SLC24A2: variants seen among roughly 807,000 people sequenced by gnomAD.
SLC24A2 encodes the protein solute carrier family 24 member 2, also known as sodium/potassium/calcium exchanger 2.
A neutral mutation model predicts 62.0 loss-of-function variants in SLC24A2; 36 were observed. That is an observed-to-expected ratio of 0.58 (90% CI 0.44 to 0.77). The LOEUF is 0.77. SLC24A2 is among the 30% of genes least tolerant of loss of function. The probability of loss-of-function intolerance (pLI) is 0.00; values close to 1 mark genes in which losing one functional copy is unlikely to be tolerated. For synonymous variants in SLC24A2, 358 were observed against 294.0 expected (o/e 1.22, Z -2.23); for missense variants, 846 against 817.9 (o/e 1.03, Z -0.42).
chr9:19,852,451 G>A, the SLC24A2 span, among the ~76,000 whole-genome samples: 39 of 151,908 alleles, frequency 2.6e-4, no homozygotes, highest in South Asian at 3.5e-3. Flanking sequence ...TTATACTTTC[G>A]GGTTTTATAT....
the SLC24A2 span, among the ~76,000 whole-genome samples, chr9:20,019,553 A>G: frequency 6.6e-6 from 1 of 152,116 alleles, no homozygotes; most frequent in Admixed American, 6.6e-5. Context: ...CTGTTTTGGT[A>G]CCATACAAAA....
chr9:19,820,743 G>A, the SLC24A2 span, among the ~76,000 whole-genome samples: 1 of 151,680 alleles, frequency 6.6e-6, no homozygotes, highest in Non-Finnish European at 1.5e-5. Flanking sequence ...GGTGTGTACA[G>A]GGGATTACAT....
At chr9:19,521,193 T>A in intron 9 of SLC24A2, 133 bp from the exon 10 acceptor site, 1 of 804,054 alleles carries the variant, frequency 1.2e-6, no homozygotes, top group Non-Finnish European at 2.1e-6. Context: ...ATGATAAAGA[T>A]GAATAAGCCA....
chr9:19,840,410 C>A, the SLC24A2 span, among the ~76,000 whole-genome samples: 4 of 152,190 alleles, frequency 2.6e-5, no homozygotes, highest in Admixed American at 2.6e-4. Context: ...CCTCTTAATT[C>A]GAAATGTTTG....
intron 2 of SLC24A2, among the ~76,000 whole-genome samples, chr9:19,730,847 T>A (rs907288430): frequency 4.0e-5 from 6 of 151,772 alleles, no homozygotes; most frequent in African/African-American, 1.5e-4. Context: ...TCACTCCTAC[T>A]CCTTTCTACA....
the SLC24A2 span, among the ~76,000 whole-genome samples, chr9:20,200,063 T>A: frequency 6.6e-6 from 1 of 151,864 alleles, no homozygotes; most frequent in Admixed American, 6.6e-5. Context: ...TATAGTCAGA[T>A]CCTTCAAATA....
chr9:20,106,761 T>C, the SLC24A2 span, among the ~76,000 whole-genome samples: 2 of 152,116 alleles, frequency 1.3e-5, no homozygotes, highest in Non-Finnish European at 2.9e-5. Context: ...GGACAAAAAC[T>C]GGAAGCATTC....
At position 19,516,036 on chromosome 9, in the gene SLC24A2, G is replaced by A; in HGVS notation, c.*117C>T. The A allele has an allele frequency of 2.4e-6, 3 of 1,271,204 alleles. No individual in the cohort carries two copies. The highest frequency in any genetic ancestry group is 3.4e-6 in the Non-Finnish European group (3 of 870,810). The allele number at this position is 1,271,204 out of a possible 1,614,324, so 78.7% of individuals were successfully genotyped here. A position where few individuals can be genotyped will look rare whatever the true frequency, so the allele number is the denominator to read the frequency against. ...ATCTCTCCTCAAATTCACCAAGGAGGGACACTTGGCACCCAGGGCTGTGTG... is the reference window on the plus strand; with the variant it reads ...ATCTCTCCTCAAATTCACCAAGGAGAGACACTTGGCACCCAGGGCTGTGTG... On this transcript the variant is annotated 3_prime_UTR_variant, in exon 11 of 11. Coordinates refer to ENST00000341998, the MANE Select transcript of SLC24A2 (RefSeq NM_020344.4).
At chr9:19,621,150 A>G (rs1817899013) in intron 3 of SLC24A2, among the ~76,000 whole-genome samples, 1 of 152,256 alleles carries the variant, frequency 6.6e-6, no homozygotes. Flanking sequence ...ACTTGTTAAC[A>G]ATCATGGTCC....
At chr9:19,747,857 CAT>C (rs1821879500) in intron 2 of SLC24A2, among the ~76,000 whole-genome samples, 1 of 152,178 alleles carries the variant, frequency 6.6e-6, no homozygotes, top group African/African-American at 2.4e-5. Flanking sequence ...TTCACCCACA[CAT>C]ATCAGTGAGG....
intron 2 of SLC24A2, among the ~76,000 whole-genome samples, chr9:19,709,565 C>T (rs569518699): frequency 6.6e-4 from 100 of 152,000 alleles, no homozygotes; most frequent in African/African-American, 2.3e-3. Flanking sequence ...CCATGGAATA[C>T]TATGCAGCCA....
At chr9:20,283,345 G>C in the SLC24A2 span, among the ~76,000 whole-genome samples, 1 of 152,168 alleles carries the variant, frequency 6.6e-6, no homozygotes, top group Non-Finnish European at 1.5e-5. Flanking sequence ...ACTACCTAAA[G>C]TGATCCCTGC....
upstream of SLC24A2, among the ~76,000 whole-genome samples, chr9:19,791,671 A>T (rs1823322099): frequency 6.6e-6 from 1 of 152,226 alleles, no homozygotes; most frequent in Non-Finnish European, 1.5e-5. Flanking sequence ...AGAGGAATTG[A>T]ATAACAACTG....
the SLC24A2 span, chr9:19,926,574 TAA>T: frequency 1.1e-4 from 14 of 127,828 alleles, no homozygotes; most frequent in African/African-American, 8.6e-5. Context: ...TATGCAGGTA[TAA>T]AAAAAAAAAA....
rs3086331 is a variant in SLC24A2 at position 19,690,918 on chromosome 9, T to TGAGA, written c.931-68623_931-68620dup. Among the ~76,000 whole-genome samples, 100 of 151,080 alleles carry TGAGA rather than the reference T, an allele frequency of 6.6e-4. 1 individual carries two copies. Among genetic ancestry groups the TGAGA allele is most frequent in the Middle Eastern group, 3.4e-3 (1 of 290 alleles). On this transcript the variant is annotated intron_variant, in intron 2 of 10. Coordinates refer to ENST00000341998, the MANE Select transcript of SLC24A2 (RefSeq NM_020344.4). ...GGGAGGCGTATTGTGTGTGTGCGTG[T>TGAGA]GAGAGAGAGAGAGAGAGACAGAGAG...
the SLC24A2 span, among the ~76,000 whole-genome samples, chr9:19,951,627 A>G: frequency 1.3e-5 from 2 of 151,938 alleles, no homozygotes; most frequent in African/African-American, 2.4e-5. Flanking sequence ...TCGTTTTTCC[A>G]TTGAATTGCC....
chr9:20,151,098 C>T, the SLC24A2 span, among the ~76,000 whole-genome samples: 2 of 151,860 alleles, frequency 1.3e-5, no homozygotes, highest in African/African-American at 4.8e-5. Flanking sequence ...AAGAAACTCC[C>T]CACTTTCTAA....
the SLC24A2 span, among the ~76,000 whole-genome samples, chr9:20,060,809 A>T: frequency 1.3e-5 from 2 of 152,214 alleles, no homozygotes; most frequent in East Asian, 1.9e-4. Flanking sequence ...CACACACACA[A>T]TGTGGAGCTA....
intron 2 of SLC24A2, among the ~76,000 whole-genome samples, chr9:19,684,632 A>T (rs1382491593): frequency 6.6e-6 from 1 of 152,110 alleles, no homozygotes; most frequent in Non-Finnish European, 1.5e-5. Context: ...AGACTTGTTG[A>T]TATCTGGAAT....
Sources: allele counts gnomAD v4.1 joint callset (sites outside exome capture counted in the v4.1 genomes callset), GRCh38; gene constraint gnomAD v4.1.1; transcripts MANE v1.5; gene names NCBI Gene and HGNC (gene_info 2026-07-23, HGNC 2026-07-21).